Variants in PDGFC observed in about 807,000 individuals in gnomAD.
PDGFC encodes the protein platelet derived growth factor C.
Under a neutral mutation model 35.5 loss-of-function variants are expected in PDGFC, and 12 were observed. The observed-to-expected ratio is 0.34, with a 90% CI of 0.22 to 0.55. PDGFC has a LOEUF of 0.55. Among genes scored for constraint, PDGFC ranks in the 20% least tolerant of loss-of-function variants. PDGFC has a pLI of 0.91. For missense variants in PDGFC, 322 were observed against 412.4 expected, an observed-to-expected ratio of 0.78 and a Z score of 1.90; for synonymous variants, 159 against 148.8, an observed-to-expected ratio of 1.07 and a Z score of -0.50.
At chr4:156,913,937 A>G (rs1731100131) in intron 1 of PDGFC, among the ~76,000 whole-genome samples, 1 of 152,048 alleles carries the variant, frequency 6.6e-6, no homozygotes. Context: ...ACTCATGGGG[A>G]CTTCTAAGGG....
At chr4:156,898,480 G>T (rs943833350) in intron 1 of PDGFC, among the ~76,000 whole-genome samples, 1 of 152,114 alleles carries the variant, frequency 6.6e-6, no homozygotes, top group Non-Finnish European at 1.5e-5. Flanking sequence ...AAGCCTTCCA[G>T]ATCTATCCTC....
At chr4:156,868,384 T>C (rs1411250785) in intron 1 of PDGFC, among the ~76,000 whole-genome samples, 4 of 152,138 alleles carry the variant, frequency 2.6e-5, no homozygotes, top group Non-Finnish European at 1.5e-5. Context: ...GAAAAATAAA[T>C]TGTTCTGAAA....
At chr4:156,951,357 T>A (rs1732076249) in intron 1 of PDGFC, among the ~76,000 whole-genome samples, 1 of 151,884 alleles carries the variant, frequency 6.6e-6, no homozygotes, top group South Asian at 2.1e-4. Context: ...CATGTTCCTG[T>A]ATTTATATAT....
At chr4:156,906,372 C>T (rs1336282137) in intron 1 of PDGFC, among the ~76,000 whole-genome samples, 1 of 151,984 alleles carries the variant, frequency 6.6e-6, no homozygotes, top group Non-Finnish European at 1.5e-5. Flanking sequence ...GTTTATGGCT[C>T]ATGGTGAGGA....
chr4:156,763,633 C>T (rs1474190346), intron 5 of PDGFC, among the ~76,000 whole-genome samples: 2 of 152,312 alleles, frequency 1.3e-5, no homozygotes, highest in East Asian at 3.9e-4. Context: ...ATGCAATACA[C>T]TCAAGTGCAG....
intron 1 of PDGFC, among the ~76,000 whole-genome samples, chr4:156,885,146 T>C (rs575614593): frequency 0.01 from 1,446 of 138,264 alleles, 22 homozygotes; most frequent in African/African-American, 0.042. Flanking sequence ...TGTGCATGTA[T>C]GTGCATACAT....
Position 156,772,742 on chromosome 4 carries a change from T to C in PDGFC, c.647A>G (p.Tyr216Cys). Residue 216 changes from tyrosine (Y) to cysteine (C), a missense_variant, in exon 4 of 6, where the codon TAT (tyrosine) becomes TGT (cysteine). This residue lies in a region of PDGFC where 202 missense variants were observed against 295.9 expected (regional missense o/e 0.68). Transcript: ENST00000502773. Reference protein sequence around the residue: ...ERWQLDLEDLYRPTWQLLGKA... With the variant: ...ERWQLDLEDLCRPTWQLLGKA... ...GCCAAGAAGTTGCCAAGTTGGCCTA[T>C]ATAGATCTTCTAAGTCCAACTGCCA... 1 of 1,613,620 alleles carries C rather than the reference T, an allele frequency of 6.2e-7. No homozygotes were observed. The highest frequency in any genetic ancestry group is 8.5e-7 in the Non-Finnish European group (1 of 1,179,640).
chr4:156,968,016 A>G (rs1732505680), intron 1 of PDGFC, among the ~76,000 whole-genome samples: 1 of 152,230 alleles, frequency 6.6e-6, no homozygotes, highest in African/African-American at 2.4e-5. Flanking sequence ...CAAAAACCAG[A>G]TACCTAACAA....
chr4:156,797,594 C>T (rs1372142166), intron 3 of PDGFC, among the ~76,000 whole-genome samples: 4 of 152,138 alleles, frequency 2.6e-5, no homozygotes, highest in African/African-American at 7.2e-5. Flanking sequence ...CAATAAACAC[C>T]AACGATAGCT....
At chr4:156,771,875 T>C (rs911644996) in intron 4 of PDGFC, among the ~76,000 whole-genome samples, 8 of 152,190 alleles carry the variant, frequency 5.3e-5, no homozygotes, top group Non-Finnish European at 1.5e-5. Context: ...GCATTGTAAT[T>C]AAACAGTTAT....
chr4:156,893,937 C>T (rs1354305777), intron 1 of PDGFC, among the ~76,000 whole-genome samples: 3 of 152,174 alleles, frequency 2.0e-5, no homozygotes, highest in African/African-American at 7.2e-5. Context: ...TTCTCTCACA[C>T]AACTAGAATT....
At chr4:156,913,131 T>C (rs989081487) in intron 1 of PDGFC, among the ~76,000 whole-genome samples, 3 of 152,164 alleles carry the variant, frequency 2.0e-5, no homozygotes, top group Admixed American at 6.6e-5. Context: ...CTGAAAGATA[T>C]ACATACCCTT....
At chr4:156,917,030 T>A (rs1350159888) in intron 1 of PDGFC, among the ~76,000 whole-genome samples, 7 of 152,154 alleles carry the variant, frequency 4.6e-5, no homozygotes, top group Non-Finnish European at 1.0e-4. Flanking sequence ...ATGATCAATT[T>A]GATAAAATGA....
rs760094334 is a variant in PDGFC at position 156,762,916 on chromosome 4, C to T, written c.*174G>A. ...GCCTCCTCTCAAAAGAGCTGTTGCA[C>T]AACTCCTAATTCTGTTTGATGTCTC... On this transcript the variant is annotated 3_prime_UTR_variant, in exon 6 of 6. Transcript: ENST00000502773. 7 of 522,428 alleles carry T rather than the reference C, an allele frequency of 1.3e-5. No homozygotes were observed. Among genetic ancestry groups the T allele is most frequent in the Non-Finnish European group, 2.4e-5 (7 of 289,064 alleles). 32.4% of individuals were successfully genotyped at this position (522,428 alleles called of 1,614,324 possible).
At chr4:156,845,363 A>G (rs1729301612) in intron 2 of PDGFC, among the ~76,000 whole-genome samples, 1 of 151,720 alleles carries the variant, frequency 6.6e-6, no homozygotes, top group African/African-American at 2.4e-5. Context: ...GACATAATGA[A>G]TGTAAGAAAA....
chr4:156,772,483 C>T (rs1260145539), intron 4 of PDGFC, among the ~76,000 whole-genome samples: 1 of 152,064 alleles, frequency 6.6e-6, no homozygotes, highest in African/African-American at 2.4e-5. Flanking sequence ...TTTCAATTTT[C>T]CACACCCACT....
intron 2 of PDGFC, among the ~76,000 whole-genome samples, chr4:156,848,490 AAG>A (rs1729377822): frequency 6.6e-6 from 1 of 152,002 alleles, no homozygotes. Flanking sequence ...AGACACAAAA[AAG>A]GTTGATTATT....
At chr4:156,855,293 A>G (rs1179152526) in intron 1 of PDGFC, among the ~76,000 whole-genome samples, 1 of 152,220 alleles carries the variant, frequency 6.6e-6, no homozygotes, top group Admixed American at 6.6e-5. Context: ...TCAAAATGCT[A>G]CATTATTAAT....
Position 156,971,467 on chromosome 4 carries a change from G to T in PDGFC, c.-564C>A. The stretch of plus-strand genomic sequence containing the variant: ...GAAACAAGGCGAGGGCGCCGCGGCG[G>T]GTCCCACGGGCCGGGGCGCCGGAGC... On this transcript the variant is annotated 5_prime_UTR_variant, in exon 1 of 6. Coordinates refer to ENST00000502773, the MANE Select transcript of PDGFC (RefSeq NM_016205.3). The T allele has an allele frequency of 3.5e-6, 1 of 287,508 alleles. No individual in the cohort carries two copies. The highest frequency in any genetic ancestry group is 6.4e-6 in the Non-Finnish European group (1 of 156,528). 17.8% of individuals were successfully genotyped at this position (287,508 alleles called of 1,614,324 possible).
Sources: gnomAD v4.1 joint callset for allele counts (sites outside exome capture counted in the v4.1 genomes callset) on GRCh38, gnomAD v4.1.1 for gene constraint, gnomAD v4.1.1 regional missense constraint, MANE v1.5 for transcripts, NCBI Gene and HGNC (gene_info 2026-07-23, HGNC 2026-07-21) for gene names.